Variants in ZSWIM8 observed in about 807,000 individuals in gnomAD.
The protein encoded by ZSWIM8 is zinc finger SWIM domain-containing protein 8.
A neutral mutation model predicts 173.7 loss-of-function variants in ZSWIM8; 27 were observed. The observed-to-expected ratio is 0.16, with a 90% CI of 0.11 to 0.21. ZSWIM8 has a LOEUF of 0.21. Ranked by LOEUF, ZSWIM8 falls within the 10% of genes least tolerant of loss-of-function variation. The pLI is 1.00. For synonymous variants in ZSWIM8, 958 were observed against 962.0 expected, an observed-to-expected ratio of 1.00 and a Z score of 0.08; for missense variants, 1,627 against 2,428.8, an observed-to-expected ratio of 0.67 and a Z score of 6.94.
At position 73,797,519 on chromosome 10, in the gene ZSWIM8, G is replaced by A. The variant is rs371624302; in HGVS notation, c.3576G>A (p.Ser1192=). 7.9e-5 allele frequency: 128 copies of A among 1,613,796 alleles called. No individual in the cohort carries two copies. The highest frequency in any genetic ancestry group is 3.3e-4 in the Middle Eastern group (2 of 6,084). The part of the protein sequence containing the change: ...QDSDSISSSS[S]DSLGSSSSSG... ...GTGACAGCATTAGCAGCTCTTCTTCGGACTCCCTGGGCTCCTCATCCTCCA... is the reference window on the plus strand; with the variant it reads ...GTGACAGCATTAGCAGCTCTTCTTCAGACTCCCTGGGCTCCTCATCCTCCA... Residue 1192 remains serine (S), a synonymous_variant, in exon 18 of 26, where the codon TCG becomes TCA. Transcript: ENST00000604729. The surrounding 1 kb of genome is among the most constrained non-coding windows in gnomAD (Gnocchi z 5.6).
intron 7 of ZSWIM8, 98 bp from the exon 8 acceptor site, chr10:73,790,877 T>G: frequency 3.3e-6 from 4 of 1,229,196 alleles, no homozygotes; most frequent in Non-Finnish European, 4.5e-6. Context: ...ACAGATGTCT[T>G]TTTCCCTCTA....
intron 10 of ZSWIM8, 41 bp from the exon 11 acceptor site, chr10:73,793,547 G>T (rs1158902311): frequency 3.9e-6 from 6 of 1,532,780 alleles, no homozygotes; most frequent in African/African-American, 2.8e-5. Flanking sequence ...GCTCCTGGAA[G>T]TTGGGACTTT....
chr10:73,786,229 C>A (rs904000463), intron 1 of ZSWIM8, 143 bp downstream of exon 1: 4 of 971,788 alleles, frequency 4.1e-6, no homozygotes, highest in Non-Finnish European at 5.8e-6. Flanking sequence ...CGGGAGCTGT[C>A]CCCGACTGGG....
chr10:73,789,330 G>A lies in ZSWIM8; in HGVS notation c.458-37G>A, dbSNP rs371573335. Reference sequence around the variant, plus strand: ...GGTCAAGGGCAGAGACCCAGGTCCTGACAGCACTCCCTGACCATGCCCCCA... The same window carrying A: ...GGTCAAGGGCAGAGACCCAGGTCCTAACAGCACTCCCTGACCATGCCCCCA... On this transcript the variant is annotated intron_variant, in intron 3 of 25. Coordinates refer to ENST00000604729, the MANE Select transcript of ZSWIM8 (RefSeq NM_001367799.1). The surrounding 1 kb of genome is among the most constrained non-coding windows in gnomAD (Gnocchi z 6.8). 1 of 1,559,074 alleles carries A rather than the reference G, an allele frequency of 6.4e-7. No homozygotes were observed. The highest frequency in any genetic ancestry group is 8.7e-7 in the Non-Finnish European group (1 of 1,150,762).
At chr10:73,788,600 A>G in intron 1 of ZSWIM8, 70 bp from the exon 2 acceptor site, 2 of 1,554,428 alleles carry the variant, frequency 1.3e-6, no homozygotes, top group Non-Finnish European at 1.7e-6. Flanking sequence ...TACTGGCATG[A>G]GTGCCAAGAG....
chr10:73,801,207 G>A lies in ZSWIM8; in HGVS notation c.5301+12G>A, dbSNP rs1308524433. ...AGGCATACATGCAGGTGACAACCTAGAATTATGGAGCAGGGTGGAGCACTT... is the reference window on the plus strand; with the variant it reads ...AGGCATACATGCAGGTGACAACCTAAAATTATGGAGCAGGGTGGAGCACTT... On this transcript the variant is annotated intron_variant, in intron 25 of 25. Coordinates refer to ENST00000604729, the MANE Select transcript of ZSWIM8 (RefSeq NM_001367799.1). This position sits in a 1 kb window ranked among gnomAD's most constrained non-coding sequence, Gnocchi z 4.9. 6.2e-7 allele frequency: 1 copy of A among 1,602,002 alleles called. No homozygotes were observed. The highest frequency in any genetic ancestry group is 8.5e-7 in the Non-Finnish European group (1 of 1,173,798).
Position 73,792,923 on chromosome 10 carries a change from T to G in ZSWIM8, c.2313+71T>G. The G allele has an allele frequency of 6.7e-7, 1 of 1,486,202 alleles. No homozygotes were observed. Among genetic ancestry groups the G allele is most frequent in the Non-Finnish European group, 8.9e-7 (1 of 1,120,964 alleles). The allele number at this position is 1,486,202 out of a possible 1,614,324, so 92.1% of individuals were successfully genotyped here. ...CTGGGAGGGGCTATCTAGCTCTAGTTGGGAGTGTCAGGACCATCAGCAGGA... is the reference window on the plus strand; with the variant it reads ...CTGGGAGGGGCTATCTAGCTCTAGTGGGGAGTGTCAGGACCATCAGCAGGA... On this transcript the variant is annotated intron_variant, in intron 10 of 25. Transcript: ENST00000604729. This position sits in a 1 kb window ranked among gnomAD's most constrained non-coding sequence, Gnocchi z 4.3.
At chr10:73,794,736 G>A (rs760443265) in intron 14 of ZSWIM8, 97 bp downstream of exon 14, 93 of 1,139,226 alleles carry the variant, frequency 8.2e-5, no homozygotes, top group Non-Finnish European at 1.1e-4. Flanking sequence ...TAATGGGAAG[G>A]TCAGGATGAC....
chr10:73,799,850 T>C, intron 21 of ZSWIM8, 161 bp from the exon 22 acceptor site: 1 of 707,492 alleles, frequency 1.4e-6, no homozygotes, highest in South Asian at 1.9e-5. Context: ...GAGGCAGAGG[T>C]TGCAGTGAGC....
intron 2 of ZSWIM8, 29 bp downstream of exon 2, chr10:73,788,852 CG>C: frequency 1.9e-6 from 3 of 1,611,280 alleles, no homozygotes; most frequent in Non-Finnish European, 2.5e-6. Flanking sequence ...TGGTGGGGAG[CG>C]GGGTCCTGAT....
chr10:73,799,637 A>G lies in ZSWIM8; in HGVS notation c.4665+147A>G, dbSNP rs1335233459. 6.9e-6 allele frequency: 8 copies of G among 1,159,480 alleles called. No individual in the cohort carries two copies. The Admixed American group carries it at 1.1e-4, about 16-fold the overall frequency. 71.8% of individuals were successfully genotyped at this position (1,159,480 alleles called of 1,614,324 possible). The stretch of plus-strand genomic sequence containing the variant: ...GTCTGGGGGACCCAGCCCAACTAAA[A>G]TAAGAAATGACGGCCGGGCATGGTG... On this transcript the variant is annotated intron_variant, in intron 21 of 25. Transcript: ENST00000604729.
At chr10:73,790,870 G>C in intron 7 of ZSWIM8, 105 bp from the exon 8 acceptor site, 1 of 1,150,568 alleles carries the variant, frequency 8.7e-7, no homozygotes, top group Non-Finnish European at 1.2e-6. Flanking sequence ...TTTTGTTACA[G>C]ATGTCTTTTT....
In ZSWIM8 at chr10:73,796,856, C is replaced by T. The variant is rs1212962755; in HGVS notation, c.3116C>T (p.Thr1039Ile). 2 of 1,614,064 alleles carry T rather than the reference C, an allele frequency of 1.2e-6. No homozygotes were observed. Among genetic ancestry groups the T allele is most frequent in the East Asian group, 2.2e-5 (1 of 44,890 alleles). Residue 1039 changes from threonine to isoleucine, a missense_variant, in exon 16 of 26, where the codon ACC becomes ATC. Physicochemically the swap from Thr to Ile is moderately conservative, Grantham distance 89 (BLOSUM62 -1). This residue lies in a region of ZSWIM8 where 163 missense variants were observed against 193.2 expected (regional missense o/e 0.84). Coordinates refer to ENST00000604729, the MANE Select transcript of ZSWIM8 (RefSeq NM_001367799.1). ...LSSFYSSSRP[T>I]TASQRSPSKH... ...TCTTTCTACTCATCTAGCCGCCCAA[C>T]CACAGCCAGCCAGAGGTCTCCTTCA...
Position 73,785,611 on chromosome 10 carries a change from C to G in ZSWIM8, c.-268C>G, listed in dbSNP as rs1469316883. The G allele has an allele frequency of 1.8e-6, 1 of 549,118 alleles. No individual in the cohort carries two copies. Among genetic ancestry groups the G allele is most frequent in the Non-Finnish European group, 3.5e-6 (1 of 286,214 alleles). The allele number at this position is 549,118 out of a possible 1,614,324, so 34.0% of individuals were successfully genotyped here. A position where few individuals can be genotyped will look rare whatever the true frequency, so the allele number is the denominator to read the frequency against. ...GATGGGGGAGGCGGCTCCGCAGCCG[C>G]CTAGAGGCCCCAGCCGCCGAGCGCT... On this transcript the variant is annotated 5_prime_UTR_variant, in exon 1 of 26. Coordinates refer to ENST00000604729, the MANE Select transcript of ZSWIM8 (RefSeq NM_001367799.1).
In ZSWIM8 at chr10:73,800,793, C is replaced by A. The variant is rs763885755; in HGVS notation, c.5122+34C>A. On this transcript the variant is annotated intron_variant, in intron 24 of 25. Coordinates refer to ENST00000604729, the MANE Select transcript of ZSWIM8 (RefSeq NM_001367799.1). This position sits in a 1 kb window ranked among gnomAD's most constrained non-coding sequence, Gnocchi z 4.1. The stretch of plus-strand genomic sequence containing the variant: ...TCCCCTCCCTAGGACCATTGCCCCC[C>A]CCCCACCTGCTCTCCCCACCTTCCT... The A allele has an allele frequency of 4.7e-6, 7 of 1,477,704 alleles. No individual in the cohort carries two copies. The highest frequency in any genetic ancestry group is 2.3e-5 in the East Asian group (1 of 43,940). 91.5% of individuals were successfully genotyped at this position (1,477,704 alleles called of 1,614,324 possible).
rs1419209357 is a variant in ZSWIM8, at chr10:73,801,552, C to A, written c.*33C>A. Reference sequence around the variant, plus strand: ...ACCCTTAGGGTCCTATACAGGGACCCAGGCCTGTGGCTATGGGGGCCCCTC... The same window carrying A: ...ACCCTTAGGGTCCTATACAGGGACCAAGGCCTGTGGCTATGGGGGCCCCTC... On this transcript the variant is annotated 3_prime_UTR_variant, in exon 26 of 26. Coordinates refer to ENST00000604729, the MANE Select transcript of ZSWIM8 (RefSeq NM_001367799.1). This position sits in a 1 kb window ranked among gnomAD's most constrained non-coding sequence, Gnocchi z 4.9. 6.2e-7 allele frequency: 1 copy of A among 1,609,126 alleles called. No individual in the cohort carries two copies. The highest frequency in any genetic ancestry group is 8.5e-7 in the Non-Finnish European group (1 of 1,178,296).
chr10:73,796,147 G>A (rs2083642230), intron 15 of ZSWIM8, among the ~76,000 whole-genome samples: 1 of 151,754 alleles, frequency 6.6e-6, no homozygotes, highest in African/African-American at 2.4e-5. Context: ...AGGATCGTTT[G>A]AGACCAACCT....
Position 73,790,246 on chromosome 10 carries a change from A to C in ZSWIM8, c.895A>C (p.Lys299Gln). 1 of 1,613,678 alleles carries C rather than the reference A, an allele frequency of 6.2e-7. No homozygotes were observed. The highest frequency in any genetic ancestry group is 1.7e-5 in the Admixed American group (1 of 59,974). Residue 299 changes from lysine to glutamine, a missense_variant, in exon 7 of 26, where the codon AAA (lysine) becomes CAA (glutamine). Transcript: ENST00000604729. ...TGAATCGACACTCACTGACAACATCAAAAAGACACTGCACAAGTTCTGTGG... is the reference window on the plus strand; with the variant it reads ...TGAATCGACACTCACTGACAACATCCAAAAGACACTGCACAAGTTCTGTGG... The part of the protein sequence containing the change: ...LDESTLTDNI[K>Q]KTLHKFCGPS...
Position 73,795,677 on chromosome 10 carries a change from G to GC in ZSWIM8, c.3033+15dup, listed in dbSNP as rs1173146032. 6.2e-7 allele frequency: 1 copy of GC among 1,608,930 alleles called. No homozygotes were observed. ...AAGCTTAAGAAGGTAAGAGACTGGGGCTGGGTGCGGTGGCTCATGCCTGTA... is the reference window on the plus strand; with the variant it reads ...AAGCTTAAGAAGGTAAGAGACTGGGGCCTGGGTGCGGTGGCTCATGCCTGTA... On this transcript the variant is annotated intron_variant, in intron 15 of 25. Transcript: ENST00000604729.
Sources: gnomAD v4.1 joint callset for allele counts (sites outside exome capture counted in the v4.1 genomes callset) on GRCh38, gnomAD v4.1.1 for gene constraint, gnomAD v4.1.1 regional missense constraint, Gnocchi (gnomAD v3.1) non-coding constraint, MANE v1.5 for transcripts, NCBI Gene and HGNC (gene_info 2026-07-23, HGNC 2026-07-21) for gene names.